TTYH2: variants seen among roughly 807,000 people sequenced by gnomAD.
The protein encoded by TTYH2 is tweety family member 2.
A neutral mutation model predicts 68.3 loss-of-function variants in TTYH2; 49 were observed. The ratio of observed to expected loss-of-function variants is 0.72; its 90% confidence interval spans 0.57 to 0.91. The LOEUF is 0.91. TTYH2 is among the 40% of genes least tolerant of loss of function. The pLI is 0.00. For synonymous variants in TTYH2, 272 were observed against 300.8 expected (o/e 0.90, Z 0.99); for missense variants, 631 against 700.4 (o/e 0.90, Z 1.12).
chr17:74,248,726 C>G (rs1183244278), intron 6 of TTYH2: 4 of 1,346,582 alleles, frequency 3.0e-6, no homozygotes, highest in Non-Finnish European at 3.8e-6. Context: ...GCGCTCTGCC[C>G]CAGTCACTTT....
intron 6 of TTYH2, chr17:74,248,098 G>T: frequency 5.7e-6 from 1 of 176,928 alleles, no homozygotes; most frequent in Non-Finnish European, 1.1e-5. Context: ...GCTCCTGAAG[G>T]AGGACGGGGC....
At position 74,230,745 on chromosome 17, in the gene TTYH2, A is replaced by G. The variant is rs1023906951; in HGVS notation, c.303-143A>G. On this transcript the variant is annotated intron_variant, in intron 2 of 13. Transcript: ENST00000269346. ...AACCTCCACCTCCTGGGTTCAAGCA[A>G]TTCTATGCCTCAACTCAACCTCCTG... The G allele has an allele frequency of 4.4e-5, 32 of 727,386 alleles. No individual in the cohort carries two copies. In the African/African-American group the frequency reaches 5.0e-4, roughly 11 times the overall value. The allele number at this position is 727,386 out of a possible 1,614,324, so 45.1% of individuals were successfully genotyped here. A position where few individuals can be genotyped will look rare whatever the true frequency, so the allele number is the denominator to read the frequency against.
At chr17:74,252,425 G>A in intron 11 of TTYH2, 49 bp downstream of exon 11, 1 of 1,593,998 alleles carries the variant, frequency 6.3e-7, no homozygotes, top group South Asian at 1.1e-5. Flanking sequence ...GGAGTTCTGG[G>A]AGAGCAGCAG....
intron 13 of TTYH2, among the ~76,000 whole-genome samples, chr17:74,254,463 C>T (rs1331328306): frequency 1.3e-5 from 2 of 152,178 alleles, no homozygotes; most frequent in South Asian, 2.1e-4. Context: ...CCACCGCGCC[C>T]GGCCAGCTAA....
chr17:74,225,723 C>T (rs2050322905), intron 2 of TTYH2, among the ~76,000 whole-genome samples: 2 of 152,200 alleles, frequency 1.3e-5, no homozygotes, highest in South Asian at 4.1e-4. Flanking sequence ...GAGCAGGGCC[C>T]TGGCTGCCTT....
Position 74,250,019 on chromosome 17 carries a change from C to T in TTYH2, c.1014C>T (p.Ser338=). 6.2e-7 allele frequency: 1 copy of T among 1,614,082 alleles called. No individual in the cohort carries two copies. The highest frequency in any genetic ancestry group is 8.5e-7 in the Non-Finnish European group (1 of 1,179,966). Residue 338 remains serine, a synonymous_variant, in exon 9 of 14, where the codon TCC becomes TCT. Coordinates refer to ENST00000269346, the MANE Select transcript of TTYH2 (RefSeq NM_032646.6). Reference sequence around the variant, plus strand: ...TGCAGTTTGCCGTGCCCCTCTTCTCCACTGCAGAGGTAAGGCAGCTGTGCA... The same window carrying T: ...TGCAGTTTGCCGTGCCCCTCTTCTCTACTGCAGAGGTAAGGCAGCTGTGCA... ...GLLQFAVPLF[S]TAEEDLLAIQ... is the part of the protein sequence containing the mutation.
intron 13 of TTYH2, among the ~76,000 whole-genome samples, 197 bp downstream of exon 13, chr17:74,254,030 C>T (rs2050667322): frequency 6.6e-6 from 1 of 152,204 alleles, no homozygotes; most frequent in Admixed American, 6.5e-5. Context: ...CTCACTCCTT[C>T]CCCTAGCCAG....
chr17:74,215,781 A>G lies in TTYH2; in HGVS notation c.129+2065A>G, dbSNP rs2050216700. On this transcript the variant is annotated intron_variant, in intron 1 of 13. Transcript: ENST00000269346. This position sits in a 1 kb window ranked among gnomAD's most constrained non-coding sequence, Gnocchi z 4.3. ...CTTTCCTCCTGAGCACCAGTCACTA[A>G]CAGAGTCAGGTGGACCGTCGGTCAT... 6.9e-7 allele frequency: 1 copy of G among 1,458,350 alleles called. No individual in the cohort carries two copies. Among genetic ancestry groups the G allele is most frequent in the Non-Finnish European group, 9.3e-7 (1 of 1,076,732 alleles). 90.3% of individuals were successfully genotyped at this position (1,458,350 alleles called of 1,614,324 possible). A position where few individuals can be genotyped will look rare whatever the true frequency, so the allele number is the denominator to read the frequency against.
Position 74,232,752 on chromosome 17 carries a change from G to A in TTYH2, c.414+1753G>A, listed in dbSNP as rs78180344. On this transcript the variant is annotated intron_variant, in intron 3 of 13. Coordinates refer to ENST00000269346, the MANE Select transcript of TTYH2 (RefSeq NM_032646.6). This position sits in a 1 kb window ranked among gnomAD's most constrained non-coding sequence, Gnocchi z 5.1. Reference sequence around the variant, plus strand: ...AAAATCCCCTGCCCTGCCCAGGAAGGCACCAGGGCCATGACCTTCACGGGT... The same window carrying A: ...AAAATCCCCTGCCCTGCCCAGGAAGACACCAGGGCCATGACCTTCACGGGT... 0.023 allele frequency among the ~76,000 whole-genome samples: 3,500 copies of A among 152,262 alleles called. 150 individuals carry two copies. Among genetic ancestry groups the A allele is most frequent in the African/African-American group, 0.079 (3,269 of 41,548 alleles).
intron 6 of TTYH2, chr17:74,248,281 G>A: frequency 1.0e-6 from 1 of 985,746 alleles, no homozygotes; most frequent in Non-Finnish European, 1.2e-6. Flanking sequence ...GATCTGGGGT[G>A]CGCCTGGCTT....
intron 1 of TTYH2, among the ~76,000 whole-genome samples, chr17:74,221,712 TAGGC>T (rs758299432): frequency 2.0e-5 from 3 of 152,174 alleles, no homozygotes; most frequent in Non-Finnish European, 2.9e-5. Flanking sequence ...CCCGAGGTGC[TAGGC>T]AGGCCTCAGG....
At chr17:74,246,175 G>A (rs560001011) in intron 6 of TTYH2, among the ~76,000 whole-genome samples, 7 of 152,298 alleles carry the variant, frequency 4.6e-5, no homozygotes, top group African/African-American at 1.4e-4. Context: ...TTTGGCCACC[G>A]AGCCTGGGGA....
At chr17:74,246,451 G>T (rs1470069326) in intron 6 of TTYH2, among the ~76,000 whole-genome samples, 1 of 152,158 alleles carries the variant, frequency 6.6e-6, no homozygotes, top group African/African-American at 2.4e-5. Context: ...CACAGAAAAT[G>T]TCCAATAAAC....
chr17:74,249,595 A>T (rs1432724459), intron 8 of TTYH2, among the ~76,000 whole-genome samples, 196 bp downstream of exon 8: 1 of 152,168 alleles, frequency 6.6e-6, no homozygotes, highest in Non-Finnish European at 1.5e-5. Context: ...ATGCAGCTCA[A>T]TGCGGGAGCT....
rs7212893 is a variant in TTYH2, at chr17:74,230,990, C to T, written c.405C>T (p.Ile135=). Reference sequence around the variant, plus strand: ...ATGCCAACCACACCTTCTCTGGGATCGATGCTCTGGTAAGGCTCCCGGGCA... The same window carrying T: ...ATGCCAACCACACCTTCTCTGGGATTGATGCTCTGGTAAGGCTCCCGGGCA... ...LDDANHTFSG[I]DALVSGTTQK... is the part of the protein sequence containing the mutation. The change falls in exon 3 of 14, where the codon ATC becomes ATT. Residue 135 remains isoleucine (I), a synonymous_variant. Coordinates refer to ENST00000269346, the MANE Select transcript of TTYH2 (RefSeq NM_032646.6). 9.9e-4 allele frequency: 1,605 copies of T among 1,613,820 alleles called. 10 individuals carry two copies. The African/African-American group carries it at 0.018, about 18-fold the overall frequency.
At chr17:74,237,629 T>G (rs567040587) in intron 4 of TTYH2, 115 bp downstream of exon 4, 5 of 959,762 alleles carry the variant, frequency 5.2e-6, no homozygotes, top group East Asian at 2.7e-5. Context: ...GTATTTTTTT[T>G]TTGTTTTGTT....
intron 1 of TTYH2, among the ~76,000 whole-genome samples, chr17:74,216,383 G>A (rs1485633226): frequency 1.3e-5 from 2 of 152,136 alleles, no homozygotes; most frequent in Non-Finnish European, 2.9e-5. Flanking sequence ...GGCAGGTGCT[G>A]GCCTTAGGAT....
At chr17:74,229,756 C>T (rs1437315121) in intron 2 of TTYH2, among the ~76,000 whole-genome samples, 1 of 152,156 alleles carries the variant, frequency 6.6e-6, no homozygotes, top group Non-Finnish European at 1.5e-5. Flanking sequence ...GCGAAAGAAG[C>T]CAGTCCGAAA....
Position 74,214,800 on chromosome 17 carries a change from G to C in TTYH2, c.129+1084G>C, listed in dbSNP as rs781734935. Among the ~76,000 whole-genome samples, 1 of 152,232 alleles carries C rather than the reference G, an allele frequency of 6.6e-6. No individual in the cohort carries two copies. Among genetic ancestry groups the C allele is most frequent in the Non-Finnish European group, 1.5e-5 (1 of 68,042 alleles). ...CTTTGGCCCCCGGCGGCCTCTCCCT[G>C]TGTCAAGTTCTCCAGATATGGGACA... On this transcript the variant is annotated intron_variant, in intron 1 of 13. Transcript: ENST00000269346. The surrounding 1 kb of genome is among the most constrained non-coding windows in gnomAD (Gnocchi z 4.6).
Sources: allele counts gnomAD v4.1 joint callset (sites outside exome capture counted in the v4.1 genomes callset), GRCh38; gene constraint gnomAD v4.1.1; non-coding constraint Gnocchi (gnomAD v3.1); transcripts MANE v1.5; gene names NCBI Gene and HGNC (gene_info 2026-07-23, HGNC 2026-07-21).